ADGRL3: variants seen among roughly 807,000 people sequenced by gnomAD.
ADGRL3 encodes the protein calcium-independent alpha-latrotoxin receptor 3.
In ADGRL3, 62 loss-of-function variants were observed where a neutral mutation model predicts 153.5. That is an observed-to-expected ratio of 0.40 (90% CI 0.33 to 0.50). ADGRL3 has a LOEUF of 0.50. ADGRL3 is among the 20% of genes least tolerant of loss of function. ADGRL3 has a pLI of 0.47. For missense variants in ADGRL3, 1,641 were observed against 1,859.4 expected, an observed-to-expected ratio of 0.88 and a Z score of 2.16; for synonymous variants, 710 against 672.5, an observed-to-expected ratio of 1.06 and a Z score of -0.86.
At position 61,233,130 on chromosome 4, in the gene ADGRL3, A is replaced by T. The variant is rs72633431; in HGVS notation, c.-240+31365A>T. On this transcript the variant is annotated intron_variant, in intron 1 of 26. Transcript: ENST00000683033. ...TCCAGTTTATTTGATTACATTAGTGAAAATGTAGTATTACCCTAGTAATAA... is the reference window on the plus strand; with the variant it reads ...TCCAGTTTATTTGATTACATTAGTGTAAATGTAGTATTACCCTAGTAATAA... Among the ~76,000 whole-genome samples, 1,071 of 152,340 alleles carry T rather than the reference A, an allele frequency of 7.0e-3. 7 individuals are homozygous for T. The highest frequency in any genetic ancestry group is 0.012 in the Non-Finnish European group (793 of 68,018).
intron 6 of ADGRL3, among the ~76,000 whole-genome samples, chr4:61,694,206 T>A (rs1434323434): frequency 3.9e-5 from 4 of 101,676 alleles, no homozygotes; most frequent in Non-Finnish European, 5.6e-5. Flanking sequence ...TTTTTTTTTT[T>A]TTTTTTTTTT....
intron 6 of ADGRL3, among the ~76,000 whole-genome samples, chr4:61,709,631 T>G (rs535895444): frequency 6.8e-4 from 104 of 152,282 alleles, no homozygotes; most frequent in African/African-American, 2.4e-3. Context: ...CTGGCTGGGA[T>G]TGAATTTGTG....
intron 5 of ADGRL3, among the ~76,000 whole-genome samples, chr4:61,642,911 T>G (rs1039077728): frequency 2.6e-4 from 39 of 152,224 alleles, no homozygotes; most frequent in Admixed American, 7.2e-4. Flanking sequence ...TGATTCTTCC[T>G]ACCCATGAGC....
intron 8 of ADGRL3, among the ~76,000 whole-genome samples, chr4:61,760,256 G>T (rs929575832): frequency 6.6e-6 from 1 of 152,188 alleles, no homozygotes; most frequent in Non-Finnish European, 1.5e-5. Context: ...GCCCCCAGAG[G>T]TGGAGTCTAC....
chr4:61,440,884 T>G (rs187351507), intron 2 of ADGRL3, among the ~76,000 whole-genome samples: 3 of 152,338 alleles, frequency 2.0e-5, no homozygotes. Context: ...TATGAAGTCA[T>G]GTACCCTTTG....
intron 19 of ADGRL3, 101 bp from the exon 20 acceptor site, chr4:61,996,190 A>G: frequency 1.4e-6 from 1 of 715,224 alleles, no homozygotes; most frequent in Non-Finnish European, 2.5e-6. Flanking sequence ...CTCCCAGTGG[A>G]ATGCTTTGCA....
intron 4 of ADGRL3, among the ~76,000 whole-genome samples, chr4:61,584,373 A>G (rs2098937999): frequency 6.6e-6 from 1 of 151,996 alleles, no homozygotes; most frequent in Admixed American, 6.6e-5. Context: ...TCCAAAAGAT[A>G]CATGGAAAAT....
At chr4:61,445,945 T>C (rs973921480) in intron 2 of ADGRL3, among the ~76,000 whole-genome samples, 14 of 152,328 alleles carry the variant, frequency 9.2e-5, no homozygotes, top group Admixed American at 8.5e-4. Context: ...TACTTAGCAG[T>C]GTGCCATAGT....
In ADGRL3 at chr4:61,680,405, CGTGTGTGTGT is replaced by C. The variant is rs3075156; in HGVS notation, c.583+3505_583+3514del. ...ACTTTTTTTTAAATTTATACATACT[CGTGTGTGTGT>C]GTGTGTGTGTGTGTGTGTGTGTGTG... On this transcript the variant is annotated intron_variant, in intron 6 of 26. Transcript: ENST00000683033. 1.8e-3 allele frequency among the ~76,000 whole-genome samples: 264 copies of C among 144,120 alleles called. 1 individual carries two copies. The highest frequency in any genetic ancestry group is 7.0e-3 in the Middle Eastern group (2 of 284). The allele number at this position is 144,120 out of a possible 152,430, so 94.5% of individuals were successfully genotyped here. A position where few individuals can be genotyped will look rare whatever the true frequency, so the allele number is the denominator to read the frequency against.
At chr4:61,259,993 G>A (rs1283299012) in intron 1 of ADGRL3, among the ~76,000 whole-genome samples, 1 of 152,130 alleles carries the variant, frequency 6.6e-6, no homozygotes, top group Admixed American at 6.5e-5. Context: ...ACATTAAAAT[G>A]GTTCTTGCAA....
At chr4:61,411,806 G>T (rs190208701) in intron 2 of ADGRL3, among the ~76,000 whole-genome samples, 3 of 152,164 alleles carry the variant, frequency 2.0e-5, no homozygotes, top group Non-Finnish European at 4.4e-5. Context: ...AATACTTGGG[G>T]TATTTCAGAG....
intron 17 of ADGRL3, among the ~76,000 whole-genome samples, chr4:61,970,248 T>G (rs999940385): frequency 2.0e-4 from 31 of 152,280 alleles, no homozygotes; most frequent in African/African-American, 7.0e-4. Context: ...TGTTGGTTAT[T>G]ACTGCTATCA....
intron 21 of ADGRL3, among the ~76,000 whole-genome samples, chr4:62,019,668 T>C (rs1315726905): frequency 6.6e-6 from 1 of 152,124 alleles, no homozygotes; most frequent in East Asian, 1.9e-4. Flanking sequence ...GATAGAGCTC[T>C]TAAGTAATTA....
intron 4 of ADGRL3, among the ~76,000 whole-genome samples, chr4:61,519,482 A>G (rs954739993): frequency 3.3e-5 from 5 of 152,224 alleles, no homozygotes; most frequent in Non-Finnish European, 7.4e-5. Context: ...TTAATCTGTC[A>G]TGATGAGATG....
rs907290953 is a variant in ADGRL3, at chr4:61,733,360, C to T, written c.1205C>T (p.Ala402Val). Residue 402 changes from alanine to valine, a missense_variant, in exon 8 of 27, where the codon GCT (alanine) becomes GTT (valine). Physicochemically the swap from Ala to Val is moderately conservative, Grantham distance 64. This residue lies in a region of ADGRL3 where 734 missense variants were observed against 797.0 expected (regional missense o/e 0.92). Transcript: ENST00000683033. ...KSVYEDDDNE[A>V]TGNKIDYIYN... ...GTATATGAGGATGATGACAATGAGG[C>T]TACTGGAAATAAGATTGACTACATT... 15 of 1,613,518 alleles carry T rather than the reference C, an allele frequency of 9.3e-6. No individual in the cohort carries two copies. Among genetic ancestry groups the T allele is most frequent in the Non-Finnish European group, 1.2e-5 (14 of 1,179,794 alleles).
At chr4:61,532,188 A>G (rs149807279) in intron 4 of ADGRL3, among the ~76,000 whole-genome samples, 2 of 152,328 alleles carry the variant, frequency 1.3e-5, no homozygotes, top group East Asian at 3.9e-4. Context: ...AGGCAGTCAG[A>G]TATGCGTGAC....
At chr4:61,837,598 C>T (rs2097955884) in intron 9 of ADGRL3, among the ~76,000 whole-genome samples, 1 of 152,104 alleles carries the variant, frequency 6.6e-6, no homozygotes, top group Admixed American at 6.6e-5. Context: ...CTCTTTCTAC[C>T]CACTAGGAGT....
intron 9 of ADGRL3, among the ~76,000 whole-genome samples, chr4:61,865,270 A>AG (rs936747099): frequency 6.6e-6 from 1 of 151,962 alleles, no homozygotes. Context: ...CTACTTTAAA[A>AG]AAATTCTCTA....
At chr4:61,212,505 C>T (rs1331668007) in intron 1 of ADGRL3, among the ~76,000 whole-genome samples, 3 of 152,042 alleles carry the variant, frequency 2.0e-5, no homozygotes, top group African/African-American at 7.2e-5. Context: ...AAATGATAGA[C>T]ATCTAATATG....
Sources: allele counts gnomAD v4.1 joint callset (sites outside exome capture counted in the v4.1 genomes callset), GRCh38; gene constraint gnomAD v4.1.1; regional missense constraint gnomAD v4.1.1; transcripts MANE v1.5; gene names NCBI Gene and HGNC (gene_info 2026-07-23, HGNC 2026-07-21).